Variants in MYO5B observed in about 807,000 individuals in gnomAD.
The protein encoded by MYO5B is unconventional myosin-Vb.
MYO5B carries 143 observed loss-of-function variants against 229.3 expected under a neutral mutation model. The ratio of observed to expected loss-of-function variants is 0.62; its 90% CI spans 0.54 to 0.72. MYO5B has a LOEUF of 0.72. Ranked by LOEUF, MYO5B falls within the 30% of genes least tolerant of loss-of-function variation. The pLI, the probability that MYO5B is intolerant of heterozygous loss-of-function variation, is 0.00. For missense variants in MYO5B, 2,321 were observed against 2,331.0 expected (o/e 1.00, Z 0.09); for synonymous variants, 918 against 885.2 (o/e 1.04, Z -0.66).
At chr18:50,044,760 C>T (rs548001434) in intron 2 of MYO5B, among the ~76,000 whole-genome samples, 5 of 152,176 alleles carry the variant, frequency 3.3e-5, no homozygotes, top group East Asian at 3.9e-4. Context: ...AGGTAGGTCT[C>T]GATTAACAGA....
chr18:50,118,441 T>C (rs2032001897), intron 1 of MYO5B, among the ~76,000 whole-genome samples: 1 of 152,222 alleles, frequency 6.6e-6, no homozygotes. Context: ...TAGTAGTTCA[T>C]ATGCATGCCC....
intron 8 of MYO5B, among the ~76,000 whole-genome samples, chr18:49,981,204 C>G (rs1237819226): frequency 6.6e-6 from 1 of 152,226 alleles, no homozygotes; most frequent in African/African-American, 2.4e-5. Context: ...CATGGATAAT[C>G]TCTTAATTTG....
In MYO5B at chr18:50,098,210, C is replaced by T. The variant is rs73448731; in HGVS notation, c.28-42832G>A. Among the ~76,000 whole-genome samples, 515 of 152,296 alleles carry T rather than the reference C, an allele frequency of 3.4e-3. 2 individuals carry two copies. The highest frequency in any genetic ancestry group is 0.012 in the African/African-American group (506 of 41,564). ...GTTTGTCTACTTACTTAGGGGTATA[C>T]TTCAACAACAGTTAATACCAACAGA... On this transcript the variant is annotated intron_variant, in intron 1 of 39. Transcript: ENST00000285039.
At chr18:50,037,891 TAA>T (rs563240779) in intron 3 of MYO5B, among the ~76,000 whole-genome samples, 1 of 148,646 alleles carries the variant, frequency 6.7e-6, no homozygotes, top group Non-Finnish European at 1.5e-5. Flanking sequence ...GGCCCTGTCT[TAA>T]AAAAAAAAGA....
chr18:49,842,813 C>T (rs956483308), intron 34 of MYO5B, among the ~76,000 whole-genome samples: 1 of 152,198 alleles, frequency 6.6e-6, no homozygotes, highest in Admixed American at 6.5e-5. Context: ...TGTGTTACCC[C>T]CCAGGGAAGC....
intron 21 of MYO5B, 139 bp from the exon 22 acceptor site, chr18:49,895,313 A>C: frequency 2.7e-6 from 2 of 737,694 alleles, no homozygotes; most frequent in Non-Finnish European, 4.8e-6. Flanking sequence ...TTGCATGCTC[A>C]AGTGCTTGCC....
intron 14 of MYO5B, among the ~76,000 whole-genome samples, chr18:49,952,395 G>A (rs2025439878): frequency 6.9e-6 from 1 of 144,832 alleles, no homozygotes; most frequent in Non-Finnish European, 1.5e-5. Flanking sequence ...AACGGCATCT[G>A]CATCAGAGTC....
At position 49,984,007 on chromosome 18, in the gene MYO5B, C is replaced by T. The variant is rs577672318; in HGVS notation, c.946+711G>A. ...TGGGGAAGACACAAGCACCATCTTG[C>T]GCCACTTGGGGTTTCAGGCTGACTT... On this transcript the variant is annotated intron_variant, in intron 8 of 39. Transcript: ENST00000285039. 1.2e-4 allele frequency among the ~76,000 whole-genome samples: 19 copies of T among 152,328 alleles called. No homozygotes were observed. The South Asian group carries it at 3.1e-3, about 25-fold the overall frequency.
chr18:50,073,409 G>A (rs113569576), intron 1 of MYO5B, among the ~76,000 whole-genome samples: 12 of 152,226 alleles, frequency 7.9e-5, no homozygotes, highest in Admixed American at 2.0e-4. Flanking sequence ...TGCAAGCATC[G>A]TGAGAAGCCA....
chr18:50,195,014 C>T lies in MYO5B; in HGVS notation c.-221G>A, dbSNP rs1237611435. 5 of 532,094 alleles carry T rather than the reference C, an allele frequency of 9.4e-6. No individual in the cohort carries two copies. The highest frequency in any genetic ancestry group is 1.4e-5 in the Non-Finnish European group (5 of 360,508). 33.0% of individuals were successfully genotyped at this position (532,094 alleles called of 1,614,324 possible). On this transcript the variant is annotated 5_prime_UTR_variant, in exon 1 of 40. Transcript: ENST00000285039. Reference sequence around the variant, plus strand: ...CCGCGGCGGCGCAGCTACGGCCGGACAGGAGTTGCGAGCGCCGGGGGAGGA... The same window carrying T: ...CCGCGGCGGCGCAGCTACGGCCGGATAGGAGTTGCGAGCGCCGGGGGAGGA...
Position 49,837,807 on chromosome 18 carries a change from A to C in MYO5B, c.4853-5T>G. On this transcript the variant is annotated splice_polypyrimidine_tract_variant and splice_region_variant and intron_variant, in intron 36 of 39. Coordinates refer to ENST00000285039, the MANE Select transcript of MYO5B (RefSeq NM_001080467.3). ...CATTTTCCAACATGGCAGAAACTGA[A>C]ATAAAAGCACAGTTAGAGAAGCTTG... 6.2e-7 allele frequency: 1 copy of C among 1,613,948 alleles called. No homozygotes were observed. Among genetic ancestry groups the C allele is most frequent in the African/African-American group, 1.3e-5 (1 of 75,052 alleles).
chr18:49,904,629 G>A (rs769045788), intron 20 of MYO5B, 43 bp downstream of exon 20: 17 of 1,613,258 alleles, frequency 1.1e-5, no homozygotes, highest in Non-Finnish European at 1.4e-5. Flanking sequence ...TGCCACTTTA[G>A]TTCTGAATCT....
chr18:49,847,350 C>G, intron 32 of MYO5B, 61 bp from the exon 33 acceptor site: 2 of 1,582,588 alleles, frequency 1.3e-6, no homozygotes, highest in Non-Finnish European at 1.7e-6. Flanking sequence ...CTGAGGGTAG[C>G]GGGCATCTCT....
intron 4 of MYO5B, among the ~76,000 whole-genome samples, chr18:50,033,871 C>T (rs2026418399): frequency 6.6e-6 from 1 of 151,756 alleles, no homozygotes; most frequent in Admixed American, 6.6e-5. Flanking sequence ...GCTATCTCCT[C>T]TAACTTTCCT....
intron 17 of MYO5B, among the ~76,000 whole-genome samples, chr18:49,921,491 A>G (rs1003334092): frequency 6.6e-6 from 1 of 152,096 alleles, no homozygotes; most frequent in Non-Finnish European, 1.5e-5. Context: ...TGTGCATAAC[A>G]ATGGACATAT....
chr18:49,847,009 C>A, intron 33 of MYO5B, 137 bp downstream of exon 33: 1 of 1,086,308 alleles, frequency 9.2e-7, no homozygotes, highest in South Asian at 1.4e-5. Context: ...GGGGCAGGTG[C>A]AAGGGCAAGT....
chr18:49,837,436 C>T lies in MYO5B; in HGVS notation c.5138+81G>A, dbSNP rs902069764. 4 of 1,521,304 alleles carry T rather than the reference C, an allele frequency of 2.6e-6. No individual in the cohort carries two copies. In the African/African-American group the frequency reaches 4.1e-5, roughly 16 times the overall value. 94.2% of individuals were successfully genotyped at this position (1,521,304 alleles called of 1,614,324 possible). On this transcript the variant is annotated intron_variant, in intron 37 of 39. Coordinates refer to ENST00000285039, the MANE Select transcript of MYO5B (RefSeq NM_001080467.3). ...TAGATTTGGATTTCATTTTTAGAAA[C>T]AGCAGTCTTGTGTTCTGATTCTAGC... is the stretch of plus-strand genomic sequence containing the variant.
Position 49,889,383 on chromosome 18 carries a change from C to T in MYO5B, c.3045+5558G>A, listed in dbSNP as rs576596728. Among the ~76,000 whole-genome samples the T allele has an allele frequency of 2.6e-5, 4 of 152,256 alleles. No individual in the cohort carries two copies. In the East Asian group the frequency reaches 5.8e-4, roughly 22 times the overall value. ...CAAGTAAAATCAAACTGAAAACAAC[C>T]CAACAGGAGAAACCACATGGTATGT... On this transcript the variant is annotated intron_variant, in intron 22 of 39. Transcript: ENST00000285039.
At chr18:49,919,935 T>C (rs2025056586) in intron 17 of MYO5B, among the ~76,000 whole-genome samples, 2 of 152,198 alleles carry the variant, frequency 1.3e-5, no homozygotes, top group African/African-American at 4.8e-5. Flanking sequence ...GATGAACAGA[T>C]AATATAAAAT....
Sources: gnomAD v4.1 joint callset for allele counts (sites outside exome capture counted in the v4.1 genomes callset) on GRCh38, gnomAD v4.1.1 for gene constraint, MANE v1.5 for transcripts, NCBI Gene and HGNC (gene_info 2026-07-23, HGNC 2026-07-21) for gene names.